The following CLTC variants were observed in gnomAD, a reference collection of about 807,000 sequenced individuals.
CLTC encodes clathrin heavy chain, also known as clathrin heavy chain 1.
A neutral mutation model predicts 195.8 loss-of-function variants in CLTC; 16 were observed. That is an observed-to-expected ratio of 0.08 (90% confidence interval 0.06 to 0.12). CLTC has a LOEUF of 0.12. Among genes scored for constraint, CLTC ranks in the 10% least tolerant of loss-of-function variants. The probability of loss-of-function intolerance (pLI) is 1.00; values close to 1 mark genes in which losing one functional copy is unlikely to be tolerated. For missense variants in CLTC, 796 were observed against 2,027.0 expected, an observed-to-expected ratio of 0.39 and a Z score of 11.66; for synonymous variants, 667 against 689.4, an observed-to-expected ratio of 0.97 and a Z score of 0.51.
Position 59,696,648 on chromosome 17 carries a change from A to G in CLTC, c.*2796A>G, listed in dbSNP as rs185314739. On this transcript the variant is annotated 3_prime_UTR_variant, in exon 32 of 32. Coordinates refer to ENST00000269122, the MANE Select transcript of CLTC (RefSeq NM_004859.4). ...TATTAGGATTGTATCAAGTGTATCT[A>G]AAGATCAAAAGGGAAAAAAGGCACC... is the stretch of plus-strand genomic sequence containing the variant. 4.7e-6 allele frequency: 1 copy of G among 211,998 alleles called. No homozygotes were observed. Among genetic ancestry groups the G allele is most frequent in the East Asian group, 7.1e-5 (1 of 14,076 alleles). 13.1% of individuals were successfully genotyped at this position (211,998 alleles called of 1,614,324 possible).
Position 59,685,536 on chromosome 17 carries a change from G to T in CLTC, c.4606-51G>T. 1 of 1,452,212 alleles carries T rather than the reference G, an allele frequency of 6.9e-7. No individual in the cohort carries two copies. Among genetic ancestry groups the T allele is most frequent in the South Asian group, 1.2e-5 (1 of 82,922 alleles). The allele number at this position is 1,452,212 out of a possible 1,614,324, so 90.0% of individuals were successfully genotyped here. On this transcript the variant is annotated intron_variant, in intron 29 of 31. Transcript: ENST00000269122. This position sits in a 1 kb window ranked among gnomAD's most constrained non-coding sequence, Gnocchi z 5.0. Reference sequence around the variant, plus strand: ...TTCCATTGTTTTTCTTGGTTTACTAGTTCAGTATGTGGGGTCTAATGTTTT... The same window carrying T: ...TTCCATTGTTTTTCTTGGTTTACTATTTCAGTATGTGGGGTCTAATGTTTT...
intron 1 of CLTC, among the ~76,000 whole-genome samples, chr17:59,628,773 C>T (rs2143448489): frequency 6.6e-6 from 1 of 152,284 alleles, no homozygotes; most frequent in East Asian, 1.9e-4. Context: ...ATTCTCCTGC[C>T]TCAGCCTCCT....
Position 59,685,886 on chromosome 17 carries a change from G to T in CLTC, c.4827+78G>T. On this transcript the variant is annotated intron_variant, in intron 30 of 31. Transcript: ENST00000269122. The surrounding 1 kb of genome is among the most constrained non-coding windows in gnomAD (Gnocchi z 5.0). ...TACATGCACATTAATTTTTTTAAAT[G>T]CTTTTTTCTTTAGTAGAAGTAAGTC... 3 of 1,134,726 alleles carry T rather than the reference G, an allele frequency of 2.6e-6. No individual in the cohort carries two copies. Among genetic ancestry groups the T allele is most frequent in the South Asian group, 3.1e-5 (2 of 63,550 alleles). The allele number at this position is 1,134,726 out of a possible 1,614,324, so 70.3% of individuals were successfully genotyped here.
At chr17:59,633,671 A>C (rs202155641) in intron 1 of CLTC, among the ~76,000 whole-genome samples, 2 of 5,638 alleles carry the variant, frequency 3.5e-4, no homozygotes, top group Non-Finnish European at 1.1e-3. Context: ...GTAGAAAGAT[A>C]ACATGAATAT....
intron 14 of CLTC, chr17:59,670,859 G>A (rs1187263655): frequency 6.6e-6 from 1 of 152,200 alleles, no homozygotes; most frequent in Non-Finnish European, 1.5e-5. Context: ...CTGGGTACAA[G>A]CCTGATATAG....
chr17:59,626,251 T>C (rs1643948068), intron 1 of CLTC, among the ~76,000 whole-genome samples: 1 of 152,224 alleles, frequency 6.6e-6, no homozygotes, highest in Non-Finnish European at 1.5e-5. Flanking sequence ...TCTACTTGAT[T>C]GTGGATCTTT....
intron 1 of CLTC, among the ~76,000 whole-genome samples, chr17:59,621,690 T>C (rs1213334623): frequency 1.3e-5 from 2 of 152,198 alleles, no homozygotes; most frequent in African/African-American, 4.8e-5. Flanking sequence ...TCTGAAGTAA[T>C]GGAATATACC....
intron 1 of CLTC, among the ~76,000 whole-genome samples, chr17:59,633,856 T>C (rs2031791226): frequency 6.6e-6 from 1 of 152,236 alleles, no homozygotes; most frequent in Admixed American, 6.5e-5. Flanking sequence ...AAGCCTTTAA[T>C]GTCTCCCTGG....
chr17:59,651,460 T>C, intron 5 of CLTC, 144 bp downstream of exon 5: 1 of 640,946 alleles, frequency 1.6e-6, no homozygotes, highest in Non-Finnish European at 2.7e-6. Context: ...TGTAAAATAA[T>C]ACCTTGGCTT....
intron 6 of CLTC, among the ~76,000 whole-genome samples, chr17:59,657,849 A>C (rs1399148997): frequency 6.6e-6 from 1 of 151,292 alleles, no homozygotes; most frequent in Non-Finnish European, 1.5e-5. Flanking sequence ...AATAATCATG[A>C]AGTTGTGAAG....
intron 10 of CLTC, 130 bp from the exon 11 acceptor site, chr17:59,665,973 C>T: frequency 1.7e-6 from 1 of 577,282 alleles, no homozygotes; most frequent in Non-Finnish European, 2.9e-6. Context: ...CCCTAGAGGA[C>T]AAAAATTTGT....
At chr17:59,631,653 G>C (rs970172627) in intron 1 of CLTC, among the ~76,000 whole-genome samples, 1 of 152,142 alleles carries the variant, frequency 6.6e-6, no homozygotes, top group Non-Finnish European at 1.5e-5. Flanking sequence ...CAATGTGGAA[G>C]GAGTAACAAG....
At position 59,619,924 on chromosome 17, in the gene CLTC, GT is replaced by G. The variant is rs2031299701; in HGVS notation, c.-206del. 2 of 543,566 alleles carry G rather than the reference GT, an allele frequency of 3.7e-6. No homozygotes were observed. The highest frequency in any genetic ancestry group is 6.3e-5 in the Admixed American group (2 of 31,674). The allele number at this position is 543,566 out of a possible 1,614,324, so 33.7% of individuals were successfully genotyped here. ...GTTTCCGGAGTCTGCGCTGCGCCCG[GT>G]TCCGCCATTGCGGCTCTCCTGGCCC... On this transcript the variant is annotated 5_prime_UTR_variant, in exon 1 of 32. Transcript: ENST00000269122.
Position 59,677,153 on chromosome 17 carries a change from T to C in CLTC, c.2761T>C (p.Tyr921His). Residue 921 changes from tyrosine (Y) to histidine (H), a missense_variant, in exon 17 of 32, where the codon TAT becomes CAT. Around this residue, in one of 9 missense-constraint regions of CLTC, gnomAD observed 160 missense variants for 448.2 expected, o/e 0.36. Transcript: ENST00000269122. Reference sequence around the variant, plus strand: ...AGATCCACATCTGGCCTGTGTTGCTTATGAACGTGGCCAATGTGATCTGGA... The same window carrying C: ...AGATCCACATCTGGCCTGTGTTGCTCATGAACGTGGCCAATGTGATCTGGA... ...KRDPHLACVA[Y>H]ERGQCDLELI... is the part of the protein sequence containing the mutation. 2 of 1,614,064 alleles carry C rather than the reference T, an allele frequency of 1.2e-6. No individual in the cohort carries two copies. The highest frequency in any genetic ancestry group is 1.7e-6 in the Non-Finnish European group (2 of 1,179,940).
At chr17:59,687,758 A>C (rs942154470) in intron 30 of CLTC, among the ~76,000 whole-genome samples, 2 of 152,216 alleles carry the variant, frequency 1.3e-5, no homozygotes, top group Non-Finnish European at 2.9e-5. Flanking sequence ...GTAATAAGGC[A>C]TACCTCTGAA....
intron 30 of CLTC, among the ~76,000 whole-genome samples, chr17:59,686,641 G>T (rs750060070): frequency 6.6e-6 from 1 of 152,104 alleles, no homozygotes; most frequent in African/African-American, 2.4e-5. Context: ...AACATTTTCT[G>T]TATTCAATGT....
Position 59,685,335 on chromosome 17 carries a change from C to A in CLTC, c.4605+109C>A. The A allele has an allele frequency of 9.0e-7, 1 of 1,116,902 alleles. No homozygotes were observed. Among genetic ancestry groups the A allele is most frequent in the Non-Finnish European group, 1.2e-6 (1 of 811,044 alleles). 69.2% of individuals were successfully genotyped at this position (1,116,902 alleles called of 1,614,324 possible). A position where few individuals can be genotyped will look rare whatever the true frequency, so the allele number is the denominator to read the frequency against. On this transcript the variant is annotated intron_variant, in intron 29 of 31. Coordinates refer to ENST00000269122, the MANE Select transcript of CLTC (RefSeq NM_004859.4). The surrounding 1 kb of genome is among the most constrained non-coding windows in gnomAD (Gnocchi z 5.0). ...TTGGTTTTGTGAATATGAGAGCTGA[C>A]TTTAAGGCAATTTAAGTTAATGGAT...
At position 59,679,386 on chromosome 17, in the gene CLTC, A is replaced by AAAGAAGATATGATAGATATCT. The variant is rs2033034930; in HGVS notation, c.2797-11_2797-10insAAGAAGATATGATAGATATCT. The AAAGAAGATATGATAGATATCT allele has an allele frequency of 1.9e-6, 3 of 1,591,544 alleles. No individual in the cohort carries two copies. In the East Asian group the frequency reaches 6.8e-5, roughly 36 times the overall value. ...TTTTACCTTGAAATTAATCTATCATATCTTCTTTAGGTTTGCAATGAGAAT... is the reference window on the plus strand; with the variant it reads ...TTTTACCTTGAAATTAATCTATCATAAAGAAGATATGATAGATATCTTCTTCTTTAGGTTTGCAATGAGAAT... On this transcript the variant is annotated splice_polypyrimidine_tract_variant and intron_variant, in intron 17 of 31. Coordinates refer to ENST00000269122, the MANE Select transcript of CLTC (RefSeq NM_004859.4).
chr17:59,654,043 G>T (rs1287766491), intron 5 of CLTC, among the ~76,000 whole-genome samples: 1 of 151,866 alleles, frequency 6.6e-6, no homozygotes, highest in African/African-American at 2.4e-5. Flanking sequence ...AAAGTGCTGG[G>T]ATCACAGGCG....
Sources: allele counts gnomAD v4.1 joint callset (sites outside exome capture counted in the v4.1 genomes callset), GRCh38; gene constraint gnomAD v4.1.1; regional missense constraint gnomAD v4.1.1; non-coding constraint Gnocchi (gnomAD v3.1); transcripts MANE v1.5; gene names NCBI Gene and HGNC (gene_info 2026-07-23, HGNC 2026-07-21).